Variants in HS6ST3 observed in about 807,000 individuals in gnomAD.
HS6ST3 encodes the protein heparan-sulfate 6-O-sulfotransferase 3.
A neutral mutation model predicts 36.7 loss-of-function variants in HS6ST3; 12 were observed. The ratio of observed to expected loss-of-function variants is 0.33; its 90% CI spans 0.21 to 0.53. The LOEUF (loss-of-function observed/expected upper bound fraction) is 0.53. Ranked by LOEUF, HS6ST3 falls within the 20% of genes least tolerant of loss-of-function variation. The probability of loss-of-function intolerance (pLI) is 0.95; values close to 1 mark genes in which losing one functional copy is unlikely to be tolerated. For synonymous variants in HS6ST3, 240 were observed against 257.5 expected, an observed-to-expected ratio of 0.93 and a Z score of 0.65; for missense variants, 584 against 640.9, an observed-to-expected ratio of 0.91 and a Z score of 0.96.
intron 1 of HS6ST3, among the ~76,000 whole-genome samples, chr13:96,355,358 TACACAC>T (rs66509801): frequency 0.018 from 2,464 of 140,534 alleles, 21 homozygotes; most frequent in Admixed American, 0.033. Flanking sequence ...AGTCTATAGT[TACACAC>T]ACACACACAC....
In HS6ST3 at chr13:96,160,386, G is replaced by C. The variant is rs148738093; in HGVS notation, c.707+68817G>C. Among the ~76,000 whole-genome samples, 738 of 152,266 alleles carry C rather than the reference G, an allele frequency of 4.8e-3. 10 individuals are homozygous for C. The highest frequency in any genetic ancestry group is 0.017 in the African/African-American group (697 of 41,534). ...TTATGTTCTAGAAGCTCTTTGAATTGAGTGAATGGTTGAAACAGAACTCTG... is the reference window on the plus strand; with the variant it reads ...TTATGTTCTAGAAGCTCTTTGAATTCAGTGAATGGTTGAAACAGAACTCTG... On this transcript the variant is annotated intron_variant, in intron 1 of 1. Coordinates refer to ENST00000376705, the MANE Select transcript of HS6ST3 (RefSeq NM_153456.4).
intron 1 of HS6ST3, among the ~76,000 whole-genome samples, chr13:96,805,463 A>G (rs1014116211): frequency 4.6e-5 from 7 of 152,132 alleles, no homozygotes; most frequent in Non-Finnish European, 7.4e-5. Flanking sequence ...TTTATAAATT[A>G]CCCAGTCTCA....
At chr13:96,504,233 G>A (rs1010380640) in intron 1 of HS6ST3, among the ~76,000 whole-genome samples, 3 of 152,148 alleles carry the variant, frequency 2.0e-5, no homozygotes, top group Admixed American at 6.5e-5. Context: ...CTTGCCCAAA[G>A]GTCACATAGC....
intron 1 of HS6ST3, among the ~76,000 whole-genome samples, chr13:96,744,710 G>A (rs998923365): frequency 1.3e-5 from 2 of 152,088 alleles, no homozygotes; most frequent in Non-Finnish European, 2.9e-5. Flanking sequence ...ATGCACTGCA[G>A]TCATGAGGGC....
chr13:96,302,905 G>T (rs1275780694), intron 1 of HS6ST3, among the ~76,000 whole-genome samples: 1 of 152,064 alleles, frequency 6.6e-6, no homozygotes, highest in Non-Finnish European at 1.5e-5. Flanking sequence ...ATGGCCCTTA[G>T]ACCTCATCTG....
At chr13:96,532,997 G>T (rs2056141615) in intron 1 of HS6ST3, among the ~76,000 whole-genome samples, 1 of 152,170 alleles carries the variant, frequency 6.6e-6, no homozygotes, top group African/African-American at 2.4e-5. Flanking sequence ...TTTCCAGGAG[G>T]TGGTTTGCAC....
chr13:96,816,038 T>A (rs1878415834), intron 1 of HS6ST3, among the ~76,000 whole-genome samples: 1 of 152,110 alleles, frequency 6.6e-6, no homozygotes, highest in Non-Finnish European at 1.5e-5. Context: ...TAGACTAAAT[T>A]TAAATCCCCA....
chr13:96,288,035 A>G (rs144690391), intron 1 of HS6ST3, among the ~76,000 whole-genome samples: 270 of 152,294 alleles, frequency 1.8e-3, no homozygotes, highest in African/African-American at 6.3e-3. Flanking sequence ...AGAAGTCTCA[A>G]CTTCATTTGG....
chr13:96,642,166 T>C (rs181905346), intron 1 of HS6ST3, among the ~76,000 whole-genome samples: 3 of 151,920 alleles, frequency 2.0e-5, no homozygotes, highest in Admixed American at 2.0e-4. Flanking sequence ...TTTTGGTTGC[T>C]AGTTTTCTTT....
chr13:96,271,635 T>G (rs906883913), intron 1 of HS6ST3, among the ~76,000 whole-genome samples: 3 of 151,930 alleles, frequency 2.0e-5, no homozygotes, highest in African/African-American at 7.3e-5. Flanking sequence ...TTACACTACT[T>G]TGGAAGGTCA....
chr13:96,609,307 G>A (rs2056449613), intron 1 of HS6ST3, among the ~76,000 whole-genome samples: 1 of 152,084 alleles, frequency 6.6e-6, no homozygotes, highest in African/African-American at 2.4e-5. Context: ...TAAAATTTCT[G>A]TTTGGTAGAA....
chr13:96,817,268 G>A (rs1350004107), intron 1 of HS6ST3, among the ~76,000 whole-genome samples: 1 of 152,144 alleles, frequency 6.6e-6, no homozygotes, highest in Non-Finnish European at 1.5e-5. Flanking sequence ...TTCACATTCA[G>A]TTTTAACCTT....
At chr13:96,347,689 A>G (rs1460517218) in intron 1 of HS6ST3, among the ~76,000 whole-genome samples, 2 of 152,206 alleles carry the variant, frequency 1.3e-5, no homozygotes, top group African/African-American at 2.4e-5. Flanking sequence ...AGAACATATA[A>G]TACATGGTCT....
intron 1 of HS6ST3, among the ~76,000 whole-genome samples, chr13:96,596,361 G>A (rs2138979031): frequency 6.6e-6 from 1 of 152,260 alleles, no homozygotes; most frequent in East Asian, 1.9e-4. Context: ...TAACTCATCA[G>A]TTGATGAGCA....
intron 1 of HS6ST3, among the ~76,000 whole-genome samples, chr13:96,568,152 G>A (rs561381728): frequency 2.9e-4 from 44 of 152,352 alleles, no homozygotes; most frequent in South Asian, 1.0e-3. Flanking sequence ...AAGCTCAGTA[G>A]AGATGTACAT....
chr13:96,503,598 G>C (rs2056014347), intron 1 of HS6ST3, among the ~76,000 whole-genome samples: 1 of 152,080 alleles, frequency 6.6e-6, no homozygotes, highest in Non-Finnish European at 1.5e-5. Flanking sequence ...GTGGGATAGG[G>C]GTTCTTATGG....
chr13:96,245,582 A>G (rs1327596499), intron 1 of HS6ST3, among the ~76,000 whole-genome samples: 3 of 152,024 alleles, frequency 2.0e-5, no homozygotes, highest in Non-Finnish European at 2.9e-5. Context: ...CAGATTACTG[A>G]TGTCAAGTTA....
At chr13:96,617,720 C>A (rs184250693) in intron 1 of HS6ST3, among the ~76,000 whole-genome samples, 1 of 152,274 alleles carries the variant, frequency 6.6e-6, no homozygotes, top group Non-Finnish European at 1.5e-5. Context: ...CCCGAAGCAG[C>A]AGTATCAATC....
chr13:96,351,654 A>G lies in HS6ST3; in HGVS notation c.707+260085A>G, dbSNP rs116468357. 1.2e-3 allele frequency among the ~76,000 whole-genome samples: 180 copies of G among 152,306 alleles called. 2 individuals are homozygous for G. Among genetic ancestry groups the G allele is most frequent in the African/African-American group, 4.2e-3 (175 of 41,570 alleles). On this transcript the variant is annotated intron_variant, in intron 1 of 1. Transcript: ENST00000376705. ...ACAAGAATATTCAGAATAATGGAAGAAATCAAACTGATGAATACTGATGGT... is the reference window on the plus strand; with the variant it reads ...ACAAGAATATTCAGAATAATGGAAGGAATCAAACTGATGAATACTGATGGT...
Sources: gnomAD v4.1 joint callset for allele counts (sites outside exome capture counted in the v4.1 genomes callset) on GRCh38, gnomAD v4.1.1 for gene constraint, MANE v1.5 for transcripts, NCBI Gene and HGNC (gene_info 2026-07-23, HGNC 2026-07-21) for gene names.